The following NTM variants were observed in gnomAD, a reference collection of about 807,000 sequenced individuals.
NTM encodes the protein neurotrimin.
NTM carries 13 observed loss-of-function variants against 42.1 expected under a neutral mutation model. The ratio of observed to expected loss-of-function variants is 0.31; its 90% CI spans 0.20 to 0.49. The LOEUF (loss-of-function observed/expected upper bound fraction) is 0.49. Ranked by LOEUF, NTM falls within the 20% of genes least tolerant of loss-of-function variation. The pLI, the probability that NTM is intolerant of heterozygous loss-of-function variation, is 0.99. For synonymous variants in NTM, 187 were observed against 179.2 expected (o/e 1.04, Z -0.35); for missense variants, 373 against 452.8 (o/e 0.82, Z 1.60).
At chr11:131,482,742 C>T (rs1238471448) in intron 1 of NTM, among the ~76,000 whole-genome samples, 2 of 152,126 alleles carry the variant, frequency 1.3e-5, no homozygotes, top group East Asian at 3.8e-4. Flanking sequence ...TTTTATGATG[C>T]AAATTTGGGA....
At chr11:131,541,142 T>C (rs372581025) in intron 1 of NTM, among the ~76,000 whole-genome samples, 2 of 152,222 alleles carry the variant, frequency 1.3e-5, no homozygotes, top group African/African-American at 4.8e-5. Context: ...AAGGAGGCCA[T>C]GTCCACCCTT....
At chr11:131,741,425 T>C (rs2081193137) in intron 1 of NTM, among the ~76,000 whole-genome samples, 1 of 152,192 alleles carries the variant, frequency 6.6e-6, no homozygotes, top group Non-Finnish European at 1.5e-5. Context: ...GTCCCAAGCA[T>C]AGACATGCGC....
rs532091352 is a variant in NTM at position 131,942,350 on chromosome 11, T to A, written c.167+30702T>A. Among the ~76,000 whole-genome samples the A allele has an allele frequency of 2.0e-5, 3 of 152,296 alleles. No individual in the cohort carries two copies. The South Asian group carries it at 6.2e-4, about 32-fold the overall frequency. ...GATGATTTGGGGACTTGGACTCCCT[T>A]CTTCCTGTGATCCATATTGCAGTCC... On this transcript the variant is annotated intron_variant, in intron 2 of 8. Transcript: ENST00000683400.
At chr11:132,278,545 C>T (rs2093825432) in intron 4 of NTM, among the ~76,000 whole-genome samples, 2 of 152,144 alleles carry the variant, frequency 1.3e-5, no homozygotes, top group Admixed American at 6.5e-5. Context: ...ATTGCAGCCC[C>T]ACCCAGACAC....
intron 1 of NTM, among the ~76,000 whole-genome samples, chr11:131,520,443 C>T (rs2049482253): frequency 6.6e-6 from 1 of 152,100 alleles, no homozygotes; most frequent in South Asian, 2.1e-4. Flanking sequence ...CGGCATTACA[C>T]CAAGAAGTTC....
intron 1 of NTM, chr11:131,910,878 CG>C (rs1362341408): frequency 1.0e-6 from 1 of 985,340 alleles, no homozygotes; most frequent in Non-Finnish European, 1.2e-6. Context: ...CGCAGGATCC[CG>C]GGCCCGGATC....
At chr11:131,941,300 T>C (rs1296504832) in intron 2 of NTM, among the ~76,000 whole-genome samples, 1 of 152,162 alleles carries the variant, frequency 6.6e-6, no homozygotes, top group Non-Finnish European at 1.5e-5. Context: ...TGGAGTTGCA[T>C]CCTGGGCTTC....
intron 1 of NTM, among the ~76,000 whole-genome samples, chr11:131,825,417 G>A (rs2042009610): frequency 6.6e-6 from 1 of 152,150 alleles, no homozygotes; most frequent in Admixed American, 6.6e-5. Context: ...TTTAACTGCT[G>A]ACAATCTGGG....
chr11:131,874,202 G>C (rs2048270208), intron 1 of NTM, among the ~76,000 whole-genome samples: 1 of 150,712 alleles, frequency 6.6e-6, no homozygotes, highest in Non-Finnish European at 1.5e-5. Flanking sequence ...GGAAAATGTG[G>C]CCCATCACCT....
intron 4 of NTM, among the ~76,000 whole-genome samples, chr11:132,260,253 A>AG (rs2092763807): frequency 9.0e-6 from 1 of 111,462 alleles, no homozygotes; most frequent in Admixed American, 8.5e-5. Context: ...AAAATCACCC[A>AG]GCCTTTTTTT....
At chr11:132,035,755 C>A (rs951898378) in intron 2 of NTM, among the ~76,000 whole-genome samples, 3 of 152,062 alleles carry the variant, frequency 2.0e-5, no homozygotes, top group African/African-American at 7.2e-5. Flanking sequence ...CTGTCAGTCC[C>A]TCTGATTGAG....
At chr11:131,969,891 A>G (rs2063317186) in intron 2 of NTM, among the ~76,000 whole-genome samples, 1 of 152,176 alleles carries the variant, frequency 6.6e-6, no homozygotes, top group Non-Finnish European at 1.5e-5. Context: ...ATCGTGGCTC[A>G]CTACAGCCTT....
At chr11:132,158,196 C>T (rs1262227531) in intron 3 of NTM, among the ~76,000 whole-genome samples, 2 of 152,304 alleles carry the variant, frequency 1.3e-5, no homozygotes, top group East Asian at 3.9e-4. Flanking sequence ...GCTTCACCTC[C>T]ACACACACTC....
At chr11:132,084,119 A>G (rs2059412813) in intron 2 of NTM, among the ~76,000 whole-genome samples, 1 of 151,992 alleles carries the variant, frequency 6.6e-6, no homozygotes, top group Non-Finnish European at 1.5e-5. Context: ...CGATGTCACA[A>G]TTTTCAAAAT....
chr11:132,232,509 G>T (rs1055699932), intron 4 of NTM, among the ~76,000 whole-genome samples: 2 of 152,184 alleles, frequency 1.3e-5, no homozygotes, highest in Non-Finnish European at 2.9e-5. Flanking sequence ...AGAGGAGAGG[G>T]CAGGGAATAC....
At chr11:131,955,213 C>A (rs1275046900) in intron 2 of NTM, among the ~76,000 whole-genome samples, 1 of 152,300 alleles carries the variant, frequency 6.6e-6, no homozygotes, top group South Asian at 2.1e-4. Flanking sequence ...TCACCCCTCA[C>A]CAATGCTACC....
intron 1 of NTM, among the ~76,000 whole-genome samples, chr11:131,857,974 C>T (rs2046266033): frequency 6.6e-6 from 1 of 151,772 alleles, no homozygotes; most frequent in Non-Finnish European, 1.5e-5. Flanking sequence ...CTCCCCCTTT[C>T]TCTGTCTCCC....
rs200522565 is a variant in NTM, at chr11:131,874,399, CA to C, written c.83-37158del. On this transcript the variant is annotated intron_variant, in intron 1 of 8. Transcript: ENST00000683400. ...AATTTTTTTCAATTGTTTTTAAAAA[CA>C]AAAAAACCAAGCAGCAGCAACAACA... Among the ~76,000 whole-genome samples the C allele has an allele frequency of 3.3e-5, 5 of 151,726 alleles. No individual in the cohort carries two copies. The East Asian group carries it at 7.8e-4, about 24-fold the overall frequency.
At chr11:131,968,785 G>T (rs768616567) in intron 2 of NTM, among the ~76,000 whole-genome samples, 1 of 152,062 alleles carries the variant, frequency 6.6e-6, no homozygotes, top group Non-Finnish European at 1.5e-5. Context: ...AATGCATTTC[G>T]TATAGAGCTT....
Sources: allele counts gnomAD v4.1 joint callset (sites outside exome capture counted in the v4.1 genomes callset), GRCh38; gene constraint gnomAD v4.1.1; transcripts MANE v1.5; gene names NCBI Gene and HGNC (gene_info 2026-07-23, HGNC 2026-07-21).